The following UNC5A variants were observed in gnomAD, a reference collection of about 807,000 sequenced individuals.
The protein encoded by UNC5A is netrin receptor UNC5A.
Under a neutral mutation model 87.4 loss-of-function variants are expected in UNC5A, and 20 were observed. That is an observed-to-expected ratio of 0.23 (90% CI 0.16 to 0.33). The LOEUF is 0.33. Among genes scored for constraint, UNC5A ranks in the 10% least tolerant of loss-of-function variants. The pLI, the probability that UNC5A is intolerant of heterozygous loss-of-function variation, is 1.00. For missense variants in UNC5A, 844 were observed against 1,133.4 expected, an observed-to-expected ratio of 0.74 and a Z score of 3.67; for synonymous variants, 438 against 482.3, an observed-to-expected ratio of 0.91 and a Z score of 1.20.
At chr5:176,855,086 G>A (rs543634122) in intron 1 of UNC5A, among the ~76,000 whole-genome samples, 134 of 152,384 alleles carry the variant, frequency 8.8e-4, no homozygotes, top group African/African-American at 3.2e-3. Context: ...TCCAGAGCTA[G>A]CTGTGCCTCC....
intron 1 of UNC5A, among the ~76,000 whole-genome samples, chr5:176,828,587 C>T (rs1405752312): frequency 6.6e-6 from 1 of 152,230 alleles, no homozygotes. Flanking sequence ...CGAGGTTCCC[C>T]CTGGGCCTCC....
At chr5:176,871,835 G>A (rs1217068210) in intron 6 of UNC5A, among the ~76,000 whole-genome samples, 16 of 17,060 alleles carry the variant, frequency 9.4e-4, no homozygotes, top group South Asian at 3.3e-3. Flanking sequence ...GCCCACACTC[G>A]CCCCAACACC....
At chr5:176,859,121 G>GCTGCTAGAATGTCCTTGCTAGAGGGCATA (rs1561659348) in intron 1 of UNC5A, among the ~76,000 whole-genome samples, 3 of 36,994 alleles carry the variant, frequency 8.1e-5, no homozygotes, top group East Asian at 6.7e-4. Flanking sequence ...TAGAGGGCAT[G>GCTGCTAGAATGTCCTTGCTAGAGGGCATA]GCTGCTAGAA....
intron 1 of UNC5A, among the ~76,000 whole-genome samples, chr5:176,828,029 A>G (rs1441392616): frequency 6.6e-6 from 1 of 151,704 alleles, no homozygotes; most frequent in Non-Finnish European, 1.5e-5. Context: ...GCCCTCTCGG[A>G]CCCTGTGGAC....
chr5:176,879,539 C>G (rs1246353053), intron 14 of UNC5A, 51 bp downstream of exon 14: 1 of 1,557,848 alleles, frequency 6.4e-7, no homozygotes. Flanking sequence ...GACAGTCCTG[C>G]CCGGCGGCGG....
At chr5:176,812,431 C>T (rs1431716635) in intron 1 of UNC5A, among the ~76,000 whole-genome samples, 1 of 152,112 alleles carries the variant, frequency 6.6e-6, no homozygotes, top group Admixed American at 6.5e-5. Flanking sequence ...CCCGGGTAAC[C>T]AGGGGGGTTG....
chr5:176,832,779 T>TG (rs973564774), intron 1 of UNC5A, among the ~76,000 whole-genome samples: 3 of 152,292 alleles, frequency 2.0e-5, no homozygotes, highest in African/African-American at 7.2e-5. Context: ...AGGATGGCAG[T>TG]GGCAAGCTGA....
At chr5:176,821,505 C>A (rs547433021) in intron 1 of UNC5A, among the ~76,000 whole-genome samples, 2 of 152,308 alleles carry the variant, frequency 1.3e-5, no homozygotes, top group East Asian at 3.9e-4. Context: ...AATGCCAGGA[C>A]GCCTTGAGAG....
At chr5:176,830,830 ATGTGCTGGCATGTGTG>A (rs1757000244) in intron 1 of UNC5A, among the ~76,000 whole-genome samples, 2 of 45,662 alleles carry the variant, frequency 4.4e-5, no homozygotes, top group Non-Finnish European at 8.7e-5. Flanking sequence ...GCTGGCATGT[ATGTGCTGGCATGTGTG>A]TGTGCTGGCG....
intron 8 of UNC5A, 72 bp from the exon 9 acceptor site, chr5:176,877,120 G>T: frequency 7.9e-7 from 1 of 1,272,198 alleles, no homozygotes; most frequent in Non-Finnish European, 1.1e-6. Flanking sequence ...GAAGGCTCCT[G>T]GAGGGGCTGT....
At position 176,878,229 on chromosome 5, in the gene UNC5A, C is replaced by G; in HGVS notation, c.1870-15C>G. 6.2e-7 allele frequency: 1 copy of G among 1,609,174 alleles called. No individual in the cohort carries two copies. Among genetic ancestry groups the G allele is most frequent in the South Asian group, 1.1e-5 (1 of 90,798 alleles). On this transcript the variant is annotated splice_polypyrimidine_tract_variant and intron_variant, in intron 11 of 14. Coordinates refer to ENST00000329542, the MANE Select transcript of UNC5A (RefSeq NM_133369.3). ...AGTGGGGAGGGGCCTGGGCTGACCA[C>G]CTGGGGCACTGCAGGAGGTGGTGCA...
Position 176,878,122 on chromosome 5 carries a change from C to T in UNC5A, c.1864C>T (p.Leu622Phe). 6.2e-7 allele frequency: 1 copy of T among 1,607,848 alleles called. No homozygotes were observed. Among genetic ancestry groups the T allele is most frequent in the Middle Eastern group, 1.6e-4 (1 of 6,062 alleles). ...CTGCCTGCATGACACCCACGATGCACTCAAGGTATCTCCCGCCCCTCACCC... is the reference window on the plus strand; with the variant it reads ...CTGCCTGCATGACACCCACGATGCATTCAAGGTATCTCCCGCCCCTCACCC... Reference protein sequence around the residue: ...VYCLHDTHDALKEVVQLEKQL... With the variant: ...VYCLHDTHDAFKEVVQLEKQL... Residue 622 changes from leucine (L) to phenylalanine (F), a missense_variant, in exon 11 of 15, where the codon CTC becomes TTC. This residue lies in a region of UNC5A where 353 missense variants were observed against 387.5 expected (regional missense o/e 0.91). Transcript: ENST00000329542.
chr5:176,867,412 C>T (rs112250405), intron 2 of UNC5A, among the ~76,000 whole-genome samples: 1 of 152,158 alleles, frequency 6.6e-6, no homozygotes, highest in Non-Finnish European at 1.5e-5. Flanking sequence ...CCCAGCTCCC[C>T]CTCTGCTGGC....
intron 1 of UNC5A, among the ~76,000 whole-genome samples, chr5:176,860,203 C>G (rs1232180817): frequency 1.3e-5 from 2 of 152,214 alleles, no homozygotes; most frequent in Admixed American, 1.3e-4. Context: ...CGGGAACCTG[C>G]CACTGGGGGG....
chr5:176,862,383 T>A (rs1438066186), intron 1 of UNC5A, among the ~76,000 whole-genome samples: 1 of 152,206 alleles, frequency 6.6e-6, no homozygotes, highest in African/African-American at 2.4e-5. Flanking sequence ...AGGTCTCATT[T>A]CACCTCACCA....
intron 1 of UNC5A, among the ~76,000 whole-genome samples, chr5:176,860,106 G>C (rs1437051142): frequency 6.6e-6 from 1 of 152,192 alleles, no homozygotes; most frequent in Non-Finnish European, 1.5e-5. Flanking sequence ...GCCCAGCCAG[G>C]GACCCCTGCC....
chr5:176,812,818 G>T (rs1756495070), intron 1 of UNC5A, among the ~76,000 whole-genome samples: 1 of 152,138 alleles, frequency 6.6e-6, no homozygotes, highest in Non-Finnish European at 1.5e-5. Context: ...GGAGGGGCTG[G>T]CCCTACTTCT....
chr5:176,820,402 AAAAAG>A (rs1459382037), intron 1 of UNC5A, among the ~76,000 whole-genome samples: 1 of 152,210 alleles, frequency 6.6e-6, no homozygotes, highest in Non-Finnish European at 1.5e-5. Context: ...GTCTCAAAAA[AAAAAG>A]AAAAGAAAGA....
chr5:176,816,187 C>G (rs910055418), intron 1 of UNC5A, among the ~76,000 whole-genome samples: 1 of 152,264 alleles, frequency 6.6e-6, no homozygotes, highest in African/African-American at 2.4e-5. Context: ...CCAGGAACTG[C>G]TCACACCTGC....
Sources: allele counts gnomAD v4.1 joint callset (sites outside exome capture counted in the v4.1 genomes callset), GRCh38; gene constraint gnomAD v4.1.1; regional missense constraint gnomAD v4.1.1; transcripts MANE v1.5; gene names NCBI Gene and HGNC (gene_info 2026-07-23, HGNC 2026-07-21).